The following TMEM132E variants were observed in gnomAD, a reference collection of about 807,000 sequenced individuals.
The protein encoded by TMEM132E is transmembrane protein 132E.
A neutral mutation model predicts 78.5 loss-of-function variants in TMEM132E; 49 were observed. The ratio of observed to expected loss-of-function variants is 0.62; its 90% CI spans 0.50 to 0.79. The LOEUF (loss-of-function observed/expected upper bound fraction) is 0.79, where lower values mean the gene tolerates loss of function less well. TMEM132E is among the 30% of genes least tolerant of loss of function. The pLI, the probability that TMEM132E is intolerant of heterozygous loss-of-function variation, is 0.00. For synonymous variants in TMEM132E, 715 were observed against 670.6 expected (o/e 1.07, Z -1.02); for missense variants, 1,403 against 1,470.9 (o/e 0.95, Z 0.75).
At chr17:34,613,205 A>ACGCGCGCGCGCG (rs1238614267) in intron 1 of TMEM132E, among the ~76,000 whole-genome samples, 3 of 103,482 alleles carry the variant, frequency 2.9e-5, no homozygotes, top group African/African-American at 3.1e-5. Flanking sequence ...ACCCACACAC[A>ACGCGCGCGCGCG]CACACACGCG....
intron 1 of TMEM132E, among the ~76,000 whole-genome samples, chr17:34,591,590 C>T (rs1905871757): frequency 1.3e-5 from 2 of 152,230 alleles, no homozygotes; most frequent in Admixed American, 1.3e-4. Flanking sequence ...GGATTATAGG[C>T]ATGAGCCACC....
At position 34,630,127 on chromosome 17, in the gene TMEM132E, G is replaced by T. The variant is rs1450940066; in HGVS notation, c.1458G>T (p.Glu486Asp). The change falls in exon 5 of 9, where the codon GAG (glutamate) becomes GAT (aspartate). Residue 486 changes from glutamate (E) to aspartate (D), a missense_variant. By Grantham distance (45) the Glu-to-Asp change is conservative. Around this residue, in one of 3 missense-constraint regions of TMEM132E, gnomAD observed 888 missense variants for 952.8 expected, o/e 0.93. Coordinates refer to ENST00000631683, the MANE Select transcript of TMEM132E (RefSeq NM_001304438.2). The part of the protein sequence containing the change: ...VLDISALVEC[E>D]SDNEDIIKVS... ...ACATCTCCGCCCTAGTGGAATGCGA[G>T]TCTGACAATGAAGACATCATCAAGG... 1 of 1,612,960 alleles carries T rather than the reference G, an allele frequency of 6.2e-7. No homozygotes were observed. Among genetic ancestry groups the T allele is most frequent in the African/African-American group, 1.3e-5 (1 of 74,872 alleles).
intron 1 of TMEM132E, among the ~76,000 whole-genome samples, chr17:34,590,459 G>T (rs547098240): frequency 1.3e-5 from 2 of 152,350 alleles, no homozygotes; most frequent in South Asian, 4.1e-4. Flanking sequence ...GGAGGAAGAG[G>T]GAGAAATGTC....
chr17:34,588,356 T>C (rs1313977126), intron 1 of TMEM132E, among the ~76,000 whole-genome samples: 2 of 152,206 alleles, frequency 1.3e-5, no homozygotes, highest in East Asian at 1.9e-4. Flanking sequence ...AAAGCTCAAA[T>C]AGACCTGGAA....
At chr17:34,585,892 C>G (rs1905655941) in intron 1 of TMEM132E, among the ~76,000 whole-genome samples, 1 of 152,210 alleles carries the variant, frequency 6.6e-6, no homozygotes, top group African/African-American at 2.4e-5. Flanking sequence ...AAATTCAAAG[C>G]AGTTTGAAAT....
At chr17:34,587,019 G>A (rs985594325) in intron 1 of TMEM132E, among the ~76,000 whole-genome samples, 14 of 152,184 alleles carry the variant, frequency 9.2e-5, no homozygotes, top group South Asian at 8.3e-4. Context: ...TCAAACTGAC[G>A]GCAGTGGGCA....
chr17:34,586,394 T>C (rs1231688080), intron 1 of TMEM132E, among the ~76,000 whole-genome samples: 2 of 152,134 alleles, frequency 1.3e-5, no homozygotes, highest in Non-Finnish European at 2.9e-5. Flanking sequence ...TTCAGCTGGC[T>C]CTGCCATACT....
chr17:34,637,288 G>A lies in TMEM132E; in HGVS notation c.2281G>A (p.Ala761Thr). The change falls in exon 9 of 9, where the codon GCC (alanine) becomes ACC (threonine). Residue 761 changes from alanine (A) to threonine (T), a missense_variant. Transcript: ENST00000631683. ...AGTGAGCAGCCTGGATGAGCATGTG[G>A]CCACTGTGACCCAGGACCGGGCCTT... is the stretch of plus-strand genomic sequence containing the variant. ...LLVSSLDEHV[A>T]TVTQDRAFPL... is the part of the protein sequence containing the mutation. 1.2e-6 allele frequency: 2 copies of A among 1,614,156 alleles called. No individual in the cohort carries two copies. The highest frequency in any genetic ancestry group is 1.1e-5 in the South Asian group (1 of 91,084).
intron 1 of TMEM132E, among the ~76,000 whole-genome samples, chr17:34,612,949 C>T (rs1906639718): frequency 6.6e-6 from 1 of 152,088 alleles, no homozygotes. Flanking sequence ...CCTAGCACTC[C>T]AGAGGCAGCC....
Position 34,631,967 on chromosome 17 carries a change from A to T in TMEM132E, c.1483-737A>T, listed in dbSNP as rs115204512. Among the ~76,000 whole-genome samples, 1,410 of 152,332 alleles carry T rather than the reference A, an allele frequency of 9.3e-3. 17 individuals are homozygous for T. The highest frequency in any genetic ancestry group is 0.032 in the African/African-American group (1,342 of 41,564). On this transcript the variant is annotated intron_variant, in intron 5 of 8. Coordinates refer to ENST00000631683, the MANE Select transcript of TMEM132E (RefSeq NM_001304438.2). ...CCTCTGTGAGTGGGCACAGGTATCA[A>T]TGAAGATGTACTCAGCAGGCATGTG...
chr17:34,599,653 T>A (rs1206194706), intron 1 of TMEM132E, among the ~76,000 whole-genome samples: 1 of 152,188 alleles, frequency 6.6e-6, no homozygotes, highest in Admixed American at 6.5e-5. Context: ...TTTTATTTTT[T>A]ATTTTTATTT....
rs1430539622 is a variant in TMEM132E at position 34,626,308 on chromosome 17, G to A, written c.249G>A (p.Gln83=). The part of the protein sequence containing the change: ...LQRSEPFVVF[Q]TKELPVLNVS... Reference sequence around the variant, plus strand: ...GCTCCGAGCCCTTCGTGGTGTTCCAGACCAAGGAGCTGCCGGTCCTCAACG... The same window carrying A: ...GCTCCGAGCCCTTCGTGGTGTTCCAAACCAAGGAGCTGCCGGTCCTCAACG... The change falls in exon 2 of 9, where the codon CAG becomes CAA. Residue 83 remains glutamine, a synonymous_variant. Coordinates refer to ENST00000631683, the MANE Select transcript of TMEM132E (RefSeq NM_001304438.2). The A allele has an allele frequency of 1.2e-6, 2 of 1,611,736 alleles. No individual in the cohort carries two copies. The highest frequency in any genetic ancestry group is 1.3e-5 in the African/African-American group (1 of 74,902).
At chr17:34,627,467 C>CTTGTGTGTGTGTGTGTGT (rs3221613) in intron 2 of TMEM132E, among the ~76,000 whole-genome samples, 1 of 126,470 alleles carries the variant, frequency 7.9e-6, no homozygotes, top group Non-Finnish European at 1.7e-5. Flanking sequence ...CCAAAAGAAT[C>CTTGTGTGTGTGTGTGTGT]GTGTGTGTGT....
chr17:34,636,751 C>T (rs1907534108), intron 8 of TMEM132E, among the ~76,000 whole-genome samples: 1 of 152,214 alleles, frequency 6.6e-6, no homozygotes, highest in Admixed American at 6.5e-5. Flanking sequence ...TTTTAGCCAA[C>T]AGGCAGAAGT....
intron 1 of TMEM132E, among the ~76,000 whole-genome samples, chr17:34,606,842 A>G (rs1906428060): frequency 6.6e-6 from 1 of 152,162 alleles, no homozygotes; most frequent in Non-Finnish European, 1.5e-5. Context: ...TCTGCCCGTA[A>G]AACAGTACAA....
chr17:34,584,378 CT>C (rs1355953764), intron 1 of TMEM132E, among the ~76,000 whole-genome samples: 2 of 152,156 alleles, frequency 1.3e-5, no homozygotes, highest in African/African-American at 4.8e-5. Context: ...AGATTACCCC[CT>C]AGCTTCTCAC....
chr17:34,629,986 C>A lies in TMEM132E; in HGVS notation c.1339-22C>A, dbSNP rs768610873. On this transcript the variant is annotated intron_variant, in intron 4 of 8. Coordinates refer to ENST00000631683, the MANE Select transcript of TMEM132E (RefSeq NM_001304438.2). Reference sequence around the variant, plus strand: ...GACAGAAGGGGACCACAAGTAGAGCCCCCCCCTTCTCCTCCCTGCAGGACA... The same window carrying A: ...GACAGAAGGGGACCACAAGTAGAGCACCCCCCTTCTCCTCCCTGCAGGACA... 92 of 1,586,110 alleles carry A rather than the reference C, an allele frequency of 5.8e-5. 1 individual carries two copies. Among genetic ancestry groups the A allele is most frequent in the Non-Finnish European group, 7.2e-5 (83 of 1,159,602 alleles).
At chr17:34,619,301 C>T (rs1305467557) in intron 1 of TMEM132E, among the ~76,000 whole-genome samples, 2 of 151,228 alleles carry the variant, frequency 1.3e-5, no homozygotes, top group Non-Finnish European at 2.9e-5. Flanking sequence ...GCAACGCCAA[C>T]GTTATGCTGC....
chr17:34,625,927 G>A (rs1236696855), intron 1 of TMEM132E, among the ~76,000 whole-genome samples, 200 bp from the exon 2 acceptor site: 1 of 152,214 alleles, frequency 6.6e-6, no homozygotes, highest in Non-Finnish European at 1.5e-5. Flanking sequence ...CAGCAAAGGG[G>A]GTGCCAGGCT....
Sources: allele counts gnomAD v4.1 joint callset (sites outside exome capture counted in the v4.1 genomes callset), GRCh38; gene constraint gnomAD v4.1.1; regional missense constraint gnomAD v4.1.1; transcripts MANE v1.5; gene names NCBI Gene and HGNC (gene_info 2026-07-23, HGNC 2026-07-21).